Variants in LIN28B observed in about 807,000 individuals in gnomAD.
The protein encoded by LIN28B is lin-28 RNA binding posttranscriptional regulator B.
In LIN28B, 5 loss-of-function variants were observed where a neutral mutation model predicts 21.9. The observed-to-expected ratio is 0.23, with a 90% confidence interval of 0.12 to 0.48. The LOEUF (loss-of-function observed/expected upper bound fraction) is 0.48. LIN28B is among the 20% of genes least tolerant of loss of function. The probability of loss-of-function intolerance (pLI) is 0.98; values close to 1 mark genes in which losing one functional copy is unlikely to be tolerated. For missense variants in LIN28B, 245 were observed against 310.5 expected (o/e 0.79, Z 1.58); for synonymous variants, 109 against 111.3 (o/e 0.98, Z 0.13).
At chr6:104,953,269 G>GCGCC (rs1205639133), upstream of LIN28B, among the ~76,000 whole-genome samples, 23 of 152,270 alleles carry the variant, frequency 1.5e-4, 1 homozygote, top group East Asian at 4.1e-3. Flanking sequence ...CGAAAGGACG[G>GCGCC]CGCCGGGTTT....
chr6:104,999,478 G>T (rs909684494), intron 2 of LIN28B, among the ~76,000 whole-genome samples: 1 of 152,062 alleles, frequency 6.6e-6, no homozygotes, highest in Non-Finnish European at 1.5e-5. Flanking sequence ...AGGTTGCAGA[G>T]AAATAATTTG....
intron 2 of LIN28B, among the ~76,000 whole-genome samples, chr6:104,939,726 A>G (rs906256783): frequency 1.3e-5 from 2 of 152,194 alleles, no homozygotes; most frequent in Non-Finnish European, 2.9e-5. Flanking sequence ...TTGATTTCCT[A>G]TATTTTAAAT....
intron 3 of LIN28B, among the ~76,000 whole-genome samples, chr6:105,038,385 G>T (rs900697277): frequency 5.3e-5 from 8 of 152,172 alleles, no homozygotes; most frequent in African/African-American, 1.9e-4. Flanking sequence ...GAGGCCTGTG[G>T]AAACTGCTGC....
At position 105,083,315 on chromosome 6, in the gene LIN28B, A is replaced by T. The variant is rs1365139879; in HGVS notation, c.*4532A>T. ...AAAATTACTTGATTAAAAATAAAACATATAACGTTGGCATTTATGATGGGT... is the reference window on the plus strand; with the variant it reads ...AAAATTACTTGATTAAAAATAAAACTTATAACGTTGGCATTTATGATGGGT... On this transcript the variant is annotated 3_prime_UTR_variant, in exon 4 of 4. Transcript: ENST00000345080. 6.6e-6 allele frequency: 1 copy of T among 152,244 alleles called. No individual in the cohort carries two copies. The highest frequency in any genetic ancestry group is 1.5e-5 in the Non-Finnish European group (1 of 68,038). The allele number at this position is 152,244 out of a possible 1,614,324, so 9.4% of individuals were successfully genotyped here. A position where few individuals can be genotyped will look rare whatever the true frequency, so the allele number is the denominator to read the frequency against.
At chr6:105,003,530 A>G (rs1770758097) in intron 2 of LIN28B, among the ~76,000 whole-genome samples, 2 of 150,752 alleles carry the variant, frequency 1.3e-5, no homozygotes, top group Admixed American at 1.3e-4. Flanking sequence ...TTTTTTTTTG[A>G]GAGACGGATT....
intron 2 of LIN28B, among the ~76,000 whole-genome samples, chr6:105,011,861 TAAAC>T (rs759081964): frequency 7.4e-5 from 11 of 149,100 alleles, no homozygotes; most frequent in Non-Finnish European, 1.6e-4. Context: ...AAAATAAAAA[TAAAC>T]AAATAAACTG....
At chr6:105,023,710 G>A (rs9500015) in intron 2 of LIN28B, among the ~76,000 whole-genome samples, 1,480 of 116,638 alleles carry the variant, frequency 0.013, 50 homozygotes, top group African/African-American at 0.049. Flanking sequence ...CTAATTTGGG[G>A]AGGGGGACAT....
intron 3 of LIN28B, among the ~76,000 whole-genome samples, chr6:105,073,874 G>C (rs955494821): frequency 6.6e-5 from 10 of 152,076 alleles, no homozygotes; most frequent in Non-Finnish European, 1.3e-4. Flanking sequence ...GCTGTGCTCA[G>C]CTCCATTATT....
chr6:104,942,260 T>C (rs1778104988), intron 2 of LIN28B, among the ~76,000 whole-genome samples: 1 of 152,230 alleles, frequency 6.6e-6, no homozygotes, highest in African/African-American at 2.4e-5. Context: ...TTAAAACGTT[T>C]TACAACATTG....
At chr6:104,943,823 A>C (rs929208292) in intron 2 of LIN28B, among the ~76,000 whole-genome samples, 1 of 152,174 alleles carries the variant, frequency 6.6e-6, no homozygotes. Flanking sequence ...GCCAAGAAGA[A>C]CAATGGAAAT....
intron 2 of LIN28B, among the ~76,000 whole-genome samples, chr6:104,958,915 G>T (rs1367092224): frequency 1.3e-5 from 2 of 152,172 alleles, no homozygotes; most frequent in African/African-American, 4.8e-5. Context: ...GTAGTCATTG[G>T]TCTACGTATA....
rs746546307 is a variant in LIN28B at position 105,042,637 on chromosome 6, G to GT, written c.383+16165dup. 2.4e-3 allele frequency among the ~76,000 whole-genome samples: 357 copies of GT among 146,740 alleles called. 2 individuals are homozygous for GT. Among genetic ancestry groups the GT allele is most frequent in the African/African-American group, 7.2e-3 (290 of 40,164 alleles). ...TCAGATGTGACTGTCTTCTTTCACT[G>GT]TTTTTTTTTTCTATTTAGTTTCAAA... On this transcript the variant is annotated intron_variant, in intron 3 of 3. Transcript: ENST00000345080.
chr6:105,019,614 A>G (rs1205970310), intron 2 of LIN28B, among the ~76,000 whole-genome samples: 1 of 152,114 alleles, frequency 6.6e-6, no homozygotes, highest in Non-Finnish European at 1.5e-5. Flanking sequence ...TTCATCATAC[A>G]TGTGTGTAAG....
intron 2 of LIN28B, among the ~76,000 whole-genome samples, chr6:104,937,347 G>A (rs935207685): frequency 6.6e-6 from 1 of 151,830 alleles, no homozygotes. Context: ...TGGGGTGCAG[G>A]GCCGCAGTCT....
chr6:104,938,050 CAAAAAAAAAAAAAAA>C (rs10562331), intron 2 of LIN28B, among the ~76,000 whole-genome samples: 1 of 73,710 alleles, frequency 1.4e-5, no homozygotes, highest in South Asian at 5.9e-4. Context: ...CCTGTCTCTA[CAAAAAAAAAAAAAAA>C]AAAAAAAAAA....
At chr6:104,941,222 G>C (rs939663109) in intron 2 of LIN28B, 2 of 152,254 alleles carry the variant, frequency 1.3e-5, no homozygotes, top group Non-Finnish European at 2.9e-5. Flanking sequence ...AGCAAGTTGC[G>C]GTTCGGAAGC....
At position 104,950,229 on chromosome 6, in the gene LIN28B, ATGT is replaced by A. The variant is rs577642980; in HGVS notation, c.19-228_19-226del. The stretch of plus-strand genomic sequence containing the variant: ...TTTGACTGCATCTTAATGGTCTTAA[ATGT>A]TGTAAATGTTCTTTAAACTAGTGTC... On this transcript the variant is annotated intron_variant, in intron 2 of 5. Coordinates refer to the LIN28B transcript ENST00000635857. Among the ~76,000 whole-genome samples the A allele has an allele frequency of 5.6e-4, 86 of 152,290 alleles. No individual in the cohort carries two copies. In the South Asian group the frequency reaches 0.017, roughly 29 times the overall value.
chr6:105,040,535 A>G (rs969570574), intron 3 of LIN28B, among the ~76,000 whole-genome samples: 3 of 151,958 alleles, frequency 2.0e-5, no homozygotes, highest in African/African-American at 7.2e-5. Context: ...ACTAGTATAT[A>G]CCTGATATTA....
intron 3 of LIN28B, among the ~76,000 whole-genome samples, chr6:105,063,946 A>C (rs1215000661): frequency 6.6e-6 from 1 of 150,860 alleles, no homozygotes; most frequent in East Asian, 1.9e-4. Context: ...GTAGTTGGAA[A>C]TAGGTCCCAA....
Sources: gnomAD v4.1 joint callset for allele counts (sites outside exome capture counted in the v4.1 genomes callset) on GRCh38, gnomAD v4.1.1 for gene constraint, MANE v1.5 for transcripts, NCBI Gene and HGNC (gene_info 2026-07-23, HGNC 2026-07-21) for gene names.